ABI2: variants seen among roughly 807,000 people sequenced by gnomAD.
The protein encoded by ABI2 is abl interactor 2, also known as abelson interactor 2.
A neutral mutation model predicts 59.2 loss-of-function variants in ABI2; 25 were observed. The observed-to-expected ratio is 0.42, with a 90% confidence interval of 0.31 to 0.59. The LOEUF (loss-of-function observed/expected upper bound fraction) is 0.59, where lower values mean the gene tolerates loss of function less well. ABI2 is among the 20% of genes least tolerant of loss of function. The probability of loss-of-function intolerance (pLI) is 0.14; values close to 1 mark genes in which losing one functional copy is unlikely to be tolerated. For missense variants in ABI2, 545 were observed against 681.8 expected, an observed-to-expected ratio of 0.80 and a Z score of 2.23; for synonymous variants, 213 against 235.5, an observed-to-expected ratio of 0.90 and a Z score of 0.87.
intron 11 of ABI2, among the ~76,000 whole-genome samples, chr2:203,417,595 A>G (rs889400202): frequency 8.5e-5 from 13 of 152,222 alleles, no homozygotes; most frequent in Non-Finnish European, 1.3e-4. Context: ...TTTCAAATCC[A>G]TCAAGACTAA....
At chr2:203,332,934 T>C (rs1027888593) in intron 1 of ABI2, among the ~76,000 whole-genome samples, 5 of 152,174 alleles carry the variant, frequency 3.3e-5, no homozygotes, top group Admixed American at 2.0e-4. Flanking sequence ...CATCCCATAA[T>C]ATGGATTTAT....
rs72940137 is a variant in ABI2, at chr2:203,369,191, A to G, written c.285+2147A>G. Reference sequence around the variant, plus strand: ...TGACAAATTGCTAATGTGATATAGAATTTCAAGATCTATTCTTGAGAATCC... The same window carrying G: ...TGACAAATTGCTAATGTGATATAGAGTTTCAAGATCTATTCTTGAGAATCC... On this transcript the variant is annotated intron_variant, in intron 2 of 11. Transcript: ENST00000261018. Among the ~76,000 whole-genome samples the G allele has an allele frequency of 6.7e-3, 1,020 of 151,746 alleles. 5 individuals are homozygous for G. Among genetic ancestry groups the G allele is most frequent in the Non-Finnish European group, 1.0e-2 (677 of 67,916 alleles).
In ABI2 at chr2:203,402,735, GT is replaced by G. The variant is rs1240625070; in HGVS notation, c.1192+3del. 10 of 1,556,426 alleles carry G rather than the reference GT, an allele frequency of 6.4e-6. No homozygotes were observed. The highest frequency in any genetic ancestry group is 8.6e-6 in the Non-Finnish European group (10 of 1,159,596). Reference sequence around the variant, plus strand: ...GGACCTTTTTATAGCCAGAATCCAGGTTAGTTTTTTTGTTTTTTTGCATTCT... The same window carrying G: ...GGACCTTTTTATAGCCAGAATCCAGGTAGTTTTTTTGTTTTTTTGCATTCT... On this transcript the variant is annotated splice_donor_variant, in intron 9 of 11. Transcript: ENST00000261018. LOFTEE classifies it high-confidence loss of function.
At position 203,431,722 on chromosome 2, in the gene ABI2, A is replaced by G. The variant is rs2098485365; in HGVS notation, c.*4370A>G. 6.6e-6 allele frequency: 1 copy of G among 151,878 alleles called. No homozygotes were observed. Among genetic ancestry groups the G allele is most frequent in the South Asian group, 2.1e-4 (1 of 4,810 alleles). The allele number at this position is 151,878 out of a possible 1,614,324, so 9.4% of individuals were successfully genotyped here. On this transcript the variant is annotated 3_prime_UTR_variant, in exon 12 of 12. Transcript: ENST00000261018. The stretch of plus-strand genomic sequence containing the variant: ...AAAAAAAAAAAACAATTAAAACGAA[A>G]CGGCGGGGCCTAGCTGTGTATAAAT...
intron 11 of ABI2, among the ~76,000 whole-genome samples, chr2:203,418,037 A>G (rs1389039408): frequency 6.6e-6 from 1 of 152,214 alleles, no homozygotes; most frequent in Admixed American, 6.5e-5. Context: ...AAGCATTAGC[A>G]ACCTTGATGC....
At chr2:203,388,781 C>T (rs906950771) in intron 4 of ABI2, among the ~76,000 whole-genome samples, 3 of 152,032 alleles carry the variant, frequency 2.0e-5, no homozygotes, top group Non-Finnish European at 4.4e-5. Flanking sequence ...GGTCCAAAGA[C>T]TTACAGAAGA....
At chr2:203,360,777 G>C (rs990636897) in intron 1 of ABI2, among the ~76,000 whole-genome samples, 8 of 152,140 alleles carry the variant, frequency 5.3e-5, no homozygotes, top group African/African-American at 1.4e-4. Flanking sequence ...CCAATATTTA[G>C]GGACATGGCT....
chr2:203,348,868 T>A (rs189179640), intron 1 of ABI2, among the ~76,000 whole-genome samples: 1,898 of 152,164 alleles, frequency 0.012, 19 homozygotes, highest in Non-Finnish European at 0.017. Context: ...AAAATTTTTT[T>A]AAAAAATAGT....
chr2:203,411,944 A>G (rs1419332663), intron 10 of ABI2, among the ~76,000 whole-genome samples: 1 of 152,242 alleles, frequency 6.6e-6, no homozygotes, highest in African/African-American at 2.4e-5. Context: ...GGCCTGTATC[A>G]ACATTCAGTG....
At chr2:203,352,073 A>C (rs1355361749) in intron 1 of ABI2, among the ~76,000 whole-genome samples, 3 of 152,212 alleles carry the variant, frequency 2.0e-5, no homozygotes, top group African/African-American at 7.2e-5. Context: ...CAAAGGCAGA[A>C]GACACACACA....
At chr2:203,402,775 A>C in intron 9 of ABI2, 41 bp downstream of exon 9, 1 of 1,474,378 alleles carries the variant, frequency 6.8e-7, no homozygotes, top group South Asian at 1.5e-5. Flanking sequence ...GAATGTATTT[A>C]ATTAAAAACC....
At position 203,402,513 on chromosome 2, in the gene ABI2, A is replaced by C. The variant is rs1047932210; in HGVS notation, c.1034-63A>C. The C allele has an allele frequency of 2.4e-6, 3 of 1,233,664 alleles. No individual in the cohort carries two copies. In the East Asian group the frequency reaches 8.4e-5, roughly 35 times the overall value. 76.4% of individuals were successfully genotyped at this position (1,233,664 alleles called of 1,614,324 possible). A position where few individuals can be genotyped will look rare whatever the true frequency, so the allele number is the denominator to read the frequency against. On this transcript the variant is annotated intron_variant, in intron 8 of 11. Coordinates refer to ENST00000261018, the MANE Select transcript of ABI2 (RefSeq NM_001375670.1). Reference sequence around the variant, plus strand: ...CTTAAGATTTAGGCATTGTACATAAAGTATTTAATGATCTGAGATAATTTT... The same window carrying C: ...CTTAAGATTTAGGCATTGTACATAACGTATTTAATGATCTGAGATAATTTT...
intron 1 of ABI2, among the ~76,000 whole-genome samples, chr2:203,357,630 C>T (rs1215668189): frequency 6.6e-6 from 1 of 152,138 alleles, no homozygotes; most frequent in Admixed American, 6.5e-5. Flanking sequence ...GATGATATAA[C>T]ATATTTTAAA....
At chr2:203,365,908 C>T (rs1410435582) in intron 1 of ABI2, among the ~76,000 whole-genome samples, 1 of 152,062 alleles carries the variant, frequency 6.6e-6, no homozygotes, top group Non-Finnish European at 1.5e-5. Flanking sequence ...GGATTACAGG[C>T]GTGAGCCACC....
At chr2:203,426,951 C>G (rs113074339) in intron 11 of ABI2, among the ~76,000 whole-genome samples, 287 of 151,866 alleles carry the variant, frequency 1.9e-3, no homozygotes, top group African/African-American at 6.5e-3. Flanking sequence ...GCTTTTTCCC[C>G]ATTTGTACTC....
At chr2:203,426,598 C>G (rs186317489) in intron 11 of ABI2, among the ~76,000 whole-genome samples, 1 of 152,014 alleles carries the variant, frequency 6.6e-6, no homozygotes, top group Non-Finnish European at 1.5e-5. Context: ...ATATATGTAG[C>G]GGACTCCCAT....
Position 203,429,512 on chromosome 2 carries a change from AC to A in ABI2, c.*2161del, listed in dbSNP as rs1412337159. 1.3e-5 allele frequency: 2 copies of A among 152,186 alleles called. No individual in the cohort carries two copies. The highest frequency in any genetic ancestry group is 2.9e-5 in the Non-Finnish European group (2 of 68,026). 9.4% of individuals were successfully genotyped at this position (152,186 alleles called of 1,614,324 possible). A position where few individuals can be genotyped will look rare whatever the true frequency, so the allele number is the denominator to read the frequency against. On this transcript the variant is annotated 3_prime_UTR_variant, in exon 12 of 12. Transcript: ENST00000261018. Reference sequence around the variant, plus strand: ...GGTGGCTTATGCCTGTAATCCCAGCACTTTCGGAGGCCGAGGTGGGTGGATC... The same window carrying A: ...GGTGGCTTATGCCTGTAATCCCAGCATTTCGGAGGCCGAGGTGGGTGGATC...
chr2:203,328,663 G>A, intron 1 of ABI2, 32 bp downstream of exon 1: 1 of 1,461,598 alleles, frequency 6.8e-7, no homozygotes, highest in Non-Finnish European at 9.1e-7. Context: ...GCCGCGTCGG[G>A]GACCCCCCCG....
chr2:203,359,527 A>T (rs984905914), intron 1 of ABI2, among the ~76,000 whole-genome samples: 1 of 152,212 alleles, frequency 6.6e-6, no homozygotes, highest in African/African-American at 2.4e-5. Flanking sequence ...ATATAAATGT[A>T]TGTGTCTTAG....
Sources: gnomAD v4.1 joint callset for allele counts (sites outside exome capture counted in the v4.1 genomes callset) on GRCh38, gnomAD v4.1.1 for gene constraint, MANE v1.5 for transcripts, NCBI Gene and HGNC (gene_info 2026-07-23, HGNC 2026-07-21) for gene names.